The following DOCK2 variants were observed in gnomAD, a reference collection of about 807,000 sequenced individuals.
The protein encoded by DOCK2 is dedicator of cytokinesis 2, also known as dedicator of cytokinesis protein 2.
In DOCK2, 87 loss-of-function variants were observed where a neutral mutation model predicts 248.9. The observed-to-expected ratio is 0.35, with a 90% CI of 0.29 to 0.42. The LOEUF (loss-of-function observed/expected upper bound fraction) is 0.42. Ranked by LOEUF, DOCK2 falls within the 10% of genes least tolerant of loss-of-function variation. DOCK2 has a pLI of 1.00. For synonymous variants in DOCK2, 805 were observed against 821.6 expected (o/e 0.98, Z 0.35); for missense variants, 1,747 against 2,300.2 (o/e 0.76, Z 4.92).
chr5:170,082,699 A>G, intron 51 of DOCK2, 97 bp from the exon 52 acceptor site: 1 of 1,453,280 alleles, frequency 6.9e-7, no homozygotes, highest in Non-Finnish European at 9.4e-7. Context: ...GGCAGGGGTC[A>G]GTGTTGAGGC....
intron 44 of DOCK2, among the ~76,000 whole-genome samples, chr5:170,058,733 C>A (rs149694628): frequency 6.6e-6 from 1 of 152,268 alleles, no homozygotes; most frequent in East Asian, 1.9e-4. Flanking sequence ...CACTGAGTGA[C>A]ACAGAGCCAT....
chr5:169,821,164 T>G (rs199750833), intron 26 of DOCK2, among the ~76,000 whole-genome samples: 42,313 of 151,726 alleles, frequency 0.28, 7,582 homozygotes, highest in African/African-American at 0.52. Context: ...GAAAGTGACG[T>G]AGAGAATGAA....
intron 27 of DOCK2, among the ~76,000 whole-genome samples, chr5:169,948,613 A>ATTTTTTTTTTTTTTTTTTTTTTTTTTTTT (rs772095719): frequency 7.4e-6 from 1 of 135,946 alleles, no homozygotes; most frequent in South Asian, 2.5e-4. Flanking sequence ...TCCACAATTA[A>ATTTTTTTTTTTTTTTTTTTTTTTTTTTTT]TTTTTTTTTT....
intron 27 of DOCK2, chr5:169,934,540 G>A (rs1177736570): frequency 2.3e-6 from 1 of 426,758 alleles, no homozygotes. Flanking sequence ...CAGCCTAATT[G>A]TATGCGCTAC....
intron 25 of DOCK2, 28 bp from the exon 26 acceptor site, chr5:169,803,030 A>C: frequency 6.2e-7 from 1 of 1,609,130 alleles, no homozygotes; most frequent in South Asian, 1.1e-5. Context: ...GAGGAATTCT[A>C]CACTACTCTG....
At chr5:169,876,207 C>A (rs571879121) in intron 27 of DOCK2, among the ~76,000 whole-genome samples, 1 of 152,330 alleles carries the variant, frequency 6.6e-6, no homozygotes, top group East Asian at 1.9e-4. Context: ...CACCAGACAA[C>A]CCACCCTGCT....
intron 27 of DOCK2, among the ~76,000 whole-genome samples, chr5:169,868,857 A>T (rs1333112546): frequency 6.6e-6 from 1 of 152,178 alleles, no homozygotes; most frequent in Admixed American, 6.5e-5. Context: ...CGGAAACTTT[A>T]TCTCACCATC....
intron 26 of DOCK2, among the ~76,000 whole-genome samples, chr5:169,829,621 G>T (rs1769098894): frequency 6.6e-6 from 1 of 152,110 alleles, no homozygotes. Flanking sequence ...GACTTTATTG[G>T]CTCAGGATAT....
In DOCK2 at chr5:169,671,066, C is replaced by T. The variant is rs770204449; in HGVS notation, c.225-12C>T. ...CTCAATTTCACACCACTTTTTCTCC[C>T]ACCTTAAATAGAAATACTGAGAACA... is the stretch of plus-strand genomic sequence containing the variant. On this transcript the variant is annotated splice_polypyrimidine_tract_variant and intron_variant, in intron 4 of 51. Coordinates refer to ENST00000520908, the MANE Select transcript of DOCK2 (RefSeq NM_004946.3). 3.7e-6 allele frequency: 6 copies of T among 1,609,900 alleles called. No homozygotes were observed. The East Asian group carries it at 8.9e-5, about 24-fold the overall frequency.
chr5:169,770,073 A>G (rs1463133428), intron 25 of DOCK2, among the ~76,000 whole-genome samples: 1 of 152,216 alleles, frequency 6.6e-6, no homozygotes, highest in Non-Finnish European at 1.5e-5. Flanking sequence ...TCAATTGTAC[A>G]GAGCTGGAGC....
intron 28 of DOCK2, among the ~76,000 whole-genome samples, chr5:169,983,619 G>C (rs1438913605): frequency 6.6e-6 from 1 of 152,264 alleles, no homozygotes; most frequent in East Asian, 1.9e-4. Context: ...CCATCTGCCC[G>C]TGGCCTGTGG....
intron 29 of DOCK2, among the ~76,000 whole-genome samples, chr5:169,993,391 C>G (rs1484945756): frequency 1.3e-5 from 2 of 152,192 alleles, no homozygotes; most frequent in Non-Finnish European, 2.9e-5. Context: ...AAGAATGAAG[C>G]AGTCCAGAGG....
chr5:169,700,289 G>A (rs1188793207), intron 13 of DOCK2, 150 bp downstream of exon 13: 2 of 1,192,344 alleles, frequency 1.7e-6, no homozygotes, highest in Non-Finnish European at 2.3e-6. Context: ...AATGATGTCT[G>A]TATATCCAAA....
At chr5:169,695,749 C>CT in intron 9 of DOCK2, 54 bp from the exon 10 acceptor site, 15 of 1,602,102 alleles carry the variant, frequency 9.4e-6, no homozygotes, top group Non-Finnish European at 1.3e-5. Context: ...TCTTGTCTAC[C>CT]TTTTTTCCCC....
At chr5:169,685,190 G>A (rs1759893247) in intron 8 of DOCK2, among the ~76,000 whole-genome samples, 2 of 152,218 alleles carry the variant, frequency 1.3e-5, no homozygotes, top group African/African-American at 2.4e-5. Context: ...AGTTTGTGAT[G>A]CACAAGGCCT....
intron 25 of DOCK2, among the ~76,000 whole-genome samples, chr5:169,782,471 G>T (rs1043675390): frequency 6.6e-6 from 1 of 151,816 alleles, no homozygotes; most frequent in African/African-American, 2.4e-5. Flanking sequence ...GCCAACCTAG[G>T]GGGAGAACAC....
chr5:169,754,187 C>A (rs945993476), intron 23 of DOCK2, among the ~76,000 whole-genome samples: 3 of 152,030 alleles, frequency 2.0e-5, no homozygotes, highest in Admixed American at 6.6e-5. Flanking sequence ...CAGACAAGTC[C>A]CTCTGAGTTT....
At chr5:169,891,395 A>G (rs907337675) in intron 27 of DOCK2, among the ~76,000 whole-genome samples, 4 of 152,236 alleles carry the variant, frequency 2.6e-5, no homozygotes, top group Non-Finnish European at 5.9e-5. Context: ...TAGAGGCTTC[A>G]AGGAATCATA....
chr5:169,780,843 G>A (rs141059728), intron 25 of DOCK2, among the ~76,000 whole-genome samples: 2,590 of 152,280 alleles, frequency 0.017, 75 homozygotes, highest in African/African-American at 0.059. Flanking sequence ...TAGGCTAATT[G>A]ATATAAACAA....
Sources: gnomAD v4.1 joint callset for allele counts (sites outside exome capture counted in the v4.1 genomes callset) on GRCh38, gnomAD v4.1.1 for gene constraint, MANE v1.5 for transcripts, NCBI Gene and HGNC (gene_info 2026-07-23, HGNC 2026-07-21) for gene names.